The following CACNA2D3 variants were observed in gnomAD, a reference collection of about 807,000 sequenced individuals.
CACNA2D3 encodes the protein calcium voltage-gated channel auxiliary subunit alpha2delta 3.
CACNA2D3 carries 60 observed loss-of-function variants against 160.6 expected under a neutral mutation model. The ratio of observed to expected loss-of-function variants is 0.37; its 90% CI spans 0.30 to 0.46. The LOEUF (loss-of-function observed/expected upper bound fraction) is 0.46. Ranked by LOEUF, CACNA2D3 falls within the 20% of genes least tolerant of loss-of-function variation. CACNA2D3 has a pLI of 1.00. For missense variants in CACNA2D3, 1,205 were observed against 1,365.0 expected, an observed-to-expected ratio of 0.88 and a Z score of 1.85; for synonymous variants, 558 against 492.9, an observed-to-expected ratio of 1.13 and a Z score of -1.75.
chr3:55,023,303 T>G (rs1355757904), intron 35 of CACNA2D3, among the ~76,000 whole-genome samples: 2 of 152,152 alleles, frequency 1.3e-5, no homozygotes, highest in Non-Finnish European at 2.9e-5. Flanking sequence ...TCATTTCTAT[T>G]TTTATGTGCT....
At chr3:54,958,378 G>A (rs1395983517) in intron 27 of CACNA2D3, among the ~76,000 whole-genome samples, 1 of 152,184 alleles carries the variant, frequency 6.6e-6, no homozygotes, top group Non-Finnish European at 1.5e-5. Flanking sequence ...GGGCGACAGA[G>A]CAAGACCCCA....
At chr3:54,983,856 C>T (rs1310875739) in intron 29 of CACNA2D3, among the ~76,000 whole-genome samples, 1 of 152,194 alleles carries the variant, frequency 6.6e-6, no homozygotes, top group Non-Finnish European at 1.5e-5. Flanking sequence ...GGAATTAAAC[C>T]TTAAGTTTAA....
At chr3:54,240,793 G>A (rs564066745) in intron 2 of CACNA2D3, among the ~76,000 whole-genome samples, 1 of 152,100 alleles carries the variant, frequency 6.6e-6, no homozygotes, top group African/African-American at 2.4e-5. Flanking sequence ...GAGTGCAATG[G>A]TGCAATGGTG....
intron 27 of CACNA2D3, chr3:54,924,635 C>A (rs1575379125): frequency 1.2e-6 from 2 of 1,613,806 alleles, no homozygotes; most frequent in Non-Finnish European, 1.7e-6. Context: ...AGACAAATTT[C>A]TCCAGCCAGA....
At chr3:54,807,505 A>AATG (rs1427651573) in intron 13 of CACNA2D3, among the ~76,000 whole-genome samples, 2 of 152,162 alleles carry the variant, frequency 1.3e-5, no homozygotes, top group Non-Finnish European at 2.9e-5. Flanking sequence ...CCACAATGAG[A>AATG]TACCATCTCA....
chr3:54,639,661 G>T (rs1228003566), intron 10 of CACNA2D3: 1 of 234,414 alleles, frequency 4.3e-6, no homozygotes, highest in African/African-American at 2.4e-5. Context: ...ACCTGAGGTC[G>T]TAGGTGGATC....
chr3:54,834,517 A>G (rs1161587801), intron 14 of CACNA2D3, among the ~76,000 whole-genome samples: 4 of 152,246 alleles, frequency 2.6e-5, no homozygotes, highest in Non-Finnish European at 5.9e-5. Flanking sequence ...TCCAAAAACT[A>G]TTACAGACTG....
intron 11 of CACNA2D3, among the ~76,000 whole-genome samples, chr3:54,725,048 C>G (rs1701250730): frequency 6.6e-6 from 1 of 152,030 alleles, no homozygotes; most frequent in East Asian, 1.9e-4. Flanking sequence ...AGAGAAGAAT[C>G]AAATAGATGC....
chr3:54,877,696 C>T (rs1699695143), intron 18 of CACNA2D3, among the ~76,000 whole-genome samples: 1 of 152,166 alleles, frequency 6.6e-6, no homozygotes, highest in Non-Finnish European at 1.5e-5. Flanking sequence ...TGGCCTTGGA[C>T]ACTCCCAGAC....
chr3:54,637,385 A>G (rs556893607), intron 10 of CACNA2D3, among the ~76,000 whole-genome samples: 76 of 151,844 alleles, frequency 5.0e-4, no homozygotes, highest in Non-Finnish European at 9.0e-4. Context: ...TTGATTGGGA[A>G]GAAGGGCGGC....
At chr3:54,554,598 C>T (rs1702211495) in intron 5 of CACNA2D3, among the ~76,000 whole-genome samples, 1 of 152,202 alleles carries the variant, frequency 6.6e-6, no homozygotes, top group South Asian at 2.1e-4. Flanking sequence ...AGTTCTTTGC[C>T]TTGTCTCAGC....
intron 31 of CACNA2D3, among the ~76,000 whole-genome samples, chr3:54,999,773 A>G (rs1169249998): frequency 6.6e-6 from 1 of 152,204 alleles, no homozygotes; most frequent in Non-Finnish European, 1.5e-5. Context: ...TAATTCTTAG[A>G]GCAAATATTT....
chr3:54,186,812 C>G (rs1700886480), intron 2 of CACNA2D3, among the ~76,000 whole-genome samples: 2 of 152,142 alleles, frequency 1.3e-5, no homozygotes, highest in Admixed American at 1.3e-4. Context: ...TGAGATCCAA[C>G]CCAAAATGCT....
intron 17 of CACNA2D3, among the ~76,000 whole-genome samples, chr3:54,848,951 G>C (rs1698993754): frequency 6.6e-6 from 1 of 152,214 alleles, no homozygotes; most frequent in Non-Finnish European, 1.5e-5. Flanking sequence ...TGGACATCTT[G>C]TTTGTGTTTA....
intron 10 of CACNA2D3, among the ~76,000 whole-genome samples, chr3:54,634,301 C>T (rs1322371188): frequency 1.3e-5 from 2 of 152,178 alleles, no homozygotes; most frequent in African/African-American, 4.8e-5. Flanking sequence ...CAGATACTCA[C>T]ATCTCTCAGG....
At chr3:54,466,356 G>T (rs1245482547) in intron 4 of CACNA2D3, among the ~76,000 whole-genome samples, 1 of 152,084 alleles carries the variant, frequency 6.6e-6, no homozygotes, top group Non-Finnish European at 1.5e-5. Context: ...TTAAATTCAG[G>T]ATTCTTTCTA....
rs754698955 is a variant in CACNA2D3 at position 54,987,766 on chromosome 3, T to C, written c.2690+13T>C. ...GCTCCTTTAAAAGGTAAGGGTTTTA[T>C]GGTCCACTGCATTCCCCCCAAAAGT... On this transcript the variant is annotated intron_variant, in intron 31 of 37. Transcript: ENST00000474759. 2.5e-6 allele frequency: 4 copies of C among 1,586,368 alleles called. No individual in the cohort carries two copies. Among genetic ancestry groups the C allele is most frequent in the Non-Finnish European group, 8.6e-7 (1 of 1,165,822 alleles).
chr3:54,643,079 T>C (rs569743850), intron 11 of CACNA2D3, among the ~76,000 whole-genome samples: 1 of 151,826 alleles, frequency 6.6e-6, no homozygotes, highest in African/African-American at 2.4e-5. Context: ...CTTCTGGGGG[T>C]ATCACAAAGG....
At chr3:54,834,709 A>G (rs1698631569) in intron 14 of CACNA2D3, among the ~76,000 whole-genome samples, 1 of 152,170 alleles carries the variant, frequency 6.6e-6, no homozygotes, top group South Asian at 2.1e-4. Flanking sequence ...TTCTCTAGAG[A>G]TAGCCTATAG....
Sources: gnomAD v4.1 joint callset for allele counts (sites outside exome capture counted in the v4.1 genomes callset) on GRCh38, gnomAD v4.1.1 for gene constraint, MANE v1.5 for transcripts, NCBI Gene and HGNC (gene_info 2026-07-23, HGNC 2026-07-21) for gene names.